ASTN2: variants seen among roughly 807,000 people sequenced by gnomAD.
ASTN2 encodes the protein astrotactin-2.
ASTN2 carries 54 observed loss-of-function variants against 139.8 expected under a neutral mutation model. The ratio of observed to expected loss-of-function variants is 0.39; its 90% confidence interval spans 0.31 to 0.48. The LOEUF (loss-of-function observed/expected upper bound fraction) is 0.48. Ranked by LOEUF, ASTN2 falls within the 20% of genes least tolerant of loss-of-function variation. The probability of loss-of-function intolerance (pLI) is 0.95; values close to 1 mark genes in which losing one functional copy is unlikely to be tolerated. For missense variants in ASTN2, 1,565 were observed against 1,725.1 expected (o/e 0.91, Z 1.64); for synonymous variants, 756 against 719.5 (o/e 1.05, Z -0.81).
intron 5 of ASTN2, among the ~76,000 whole-genome samples, chr9:117,057,897 A>T (rs1839108834): frequency 6.6e-6 from 1 of 152,208 alleles, no homozygotes; most frequent in Admixed American, 6.5e-5. Context: ...AAATAGGCAT[A>T]ACTATAACTT....
intron 2 of ASTN2, among the ~76,000 whole-genome samples, chr9:117,240,676 C>T (rs536863513): frequency 6.6e-6 from 1 of 152,286 alleles, no homozygotes; most frequent in East Asian, 1.9e-4. Flanking sequence ...GCCCTTCAGT[C>T]TTCCTCTGTC....
At chr9:116,600,317 C>T (rs1854810007) in intron 19 of ASTN2, among the ~76,000 whole-genome samples, 1 of 116,328 alleles carries the variant, frequency 8.6e-6, no homozygotes, top group African/African-American at 3.6e-5. Context: ...GAATGAGACC[C>T]TGTCTCAAAA....
chr9:117,342,734 G>T (rs77564127), intron 1 of ASTN2, among the ~76,000 whole-genome samples: 1 of 152,216 alleles, frequency 6.6e-6, no homozygotes, highest in East Asian at 1.9e-4. Flanking sequence ...CTTCCAACAC[G>T]GTTTTATATA....
At chr9:117,391,389 C>T (rs538411464) in intron 1 of ASTN2, among the ~76,000 whole-genome samples, 27 of 152,228 alleles carry the variant, frequency 1.8e-4, no homozygotes, top group African/African-American at 5.1e-4. Context: ...TTATGTCAGA[C>T]GGCAAGGAGG....
At chr9:116,443,697 G>C (rs774911118) in intron 20 of ASTN2, among the ~76,000 whole-genome samples, 6 of 152,142 alleles carry the variant, frequency 3.9e-5, no homozygotes, top group Non-Finnish European at 7.3e-5. Flanking sequence ...GAGCCTTAGA[G>C]GCCAAGAACA....
intron 4 of ASTN2, among the ~76,000 whole-genome samples, chr9:117,130,833 T>A (rs1829810772): frequency 6.6e-6 from 1 of 152,156 alleles, no homozygotes; most frequent in Non-Finnish European, 1.5e-5. Context: ...AAACATAGAA[T>A]AAAAGCTTGA....
At chr9:116,578,294 C>G (rs1853804744) in intron 19 of ASTN2, among the ~76,000 whole-genome samples, 1 of 151,994 alleles carries the variant, frequency 6.6e-6, no homozygotes. Flanking sequence ...AAACTAAGTC[C>G]CCATCATTGT....
At chr9:116,782,362 C>T (rs1293900710) in intron 13 of ASTN2, among the ~76,000 whole-genome samples, 1 of 152,202 alleles carries the variant, frequency 6.6e-6, no homozygotes, top group African/African-American at 2.4e-5. Context: ...ATTAACATAA[C>T]TTTGTTGGAA....
intron 19 of ASTN2, among the ~76,000 whole-genome samples, chr9:116,501,180 G>C (rs1298320578): frequency 6.6e-6 from 1 of 152,106 alleles, no homozygotes; most frequent in Non-Finnish European, 1.5e-5. Context: ...ACTCCCCAAA[G>C]GCAATCTCTG....
rs746679470 is a variant in ASTN2 at position 116,733,493 on chromosome 9, C to T, written c.2427G>A (p.Gln809=). ...GGATCACCAACAGCCCATCGGCCAG[C>T]TGGGGAAAGTCCTTGATGAAGTTGT... The part of the protein sequence containing the change: ...RENNFIKDFP[Q]LADGLLVIPL... Residue 809 remains glutamine, a synonymous_variant, in exon 14 of 23, where the codon CAG becomes CAA. Coordinates refer to ENST00000313400, the MANE Select transcript of ASTN2 (RefSeq NM_001365068.1). 2.5e-6 allele frequency: 4 copies of T among 1,614,180 alleles called. No homozygotes were observed. Among genetic ancestry groups the T allele is most frequent in the Non-Finnish European group, 2.5e-6 (3 of 1,180,032 alleles).
intron 16 of ASTN2, among the ~76,000 whole-genome samples, chr9:116,663,127 C>G (rs939065551): frequency 1.3e-5 from 2 of 152,142 alleles, no homozygotes; most frequent in South Asian, 2.1e-4. Context: ...ACTTCTCAGG[C>G]TAGGGGTCAA....
rs1167792180 is a variant in ASTN2 at position 116,620,295 on chromosome 9, G to T, written c.3206+15C>A. 1.2e-6 allele frequency: 2 copies of T among 1,613,940 alleles called. No homozygotes were observed. Among genetic ancestry groups the T allele is most frequent in the African/African-American group, 2.7e-5 (2 of 74,876 alleles). On this transcript the variant is annotated intron_variant, in intron 18 of 22. Transcript: ENST00000313400. The stretch of plus-strand genomic sequence containing the variant: ...AAAAGGGATGGCCAAAGGAAAAGGG[G>T]CCATACATACGTACACCGGCTGCAG...
intron 1 of ASTN2, among the ~76,000 whole-genome samples, chr9:117,297,905 G>A (rs554952701): frequency 5.9e-5 from 9 of 152,262 alleles, no homozygotes; most frequent in East Asian, 3.9e-4. Flanking sequence ...TTGACTAAAC[G>A]CCCAAGAATG....
chr9:116,766,708 TAAAC>T (rs1238133580), intron 13 of ASTN2, among the ~76,000 whole-genome samples: 2 of 151,820 alleles, frequency 1.3e-5, no homozygotes, highest in African/African-American at 4.8e-5. Flanking sequence ...GTCATACACT[TAAAC>T]AGTCATATCA....
At chr9:117,137,796 T>A (rs1829988394) in intron 4 of ASTN2, among the ~76,000 whole-genome samples, 1 of 152,136 alleles carries the variant, frequency 6.6e-6, no homozygotes, top group African/African-American at 2.4e-5. Context: ...AGGGCTGACA[T>A]ATACTGTCCT....
At chr9:116,985,382 T>C (rs965358265) in intron 7 of ASTN2, among the ~76,000 whole-genome samples, 26 of 152,182 alleles carry the variant, frequency 1.7e-4, no homozygotes, top group African/African-American at 5.5e-4. Context: ...AGAGATTAGA[T>C]TCCTTAATCA....
chr9:117,085,907 C>G (rs1828548364), intron 5 of ASTN2, among the ~76,000 whole-genome samples: 2 of 152,170 alleles, frequency 1.3e-5, no homozygotes, highest in South Asian at 4.1e-4. Flanking sequence ...AATCAAATAG[C>G]TTAAATACAA....
At chr9:116,589,198 C>A (rs769851678) in intron 19 of ASTN2, among the ~76,000 whole-genome samples, 29 of 152,014 alleles carry the variant, frequency 1.9e-4, no homozygotes, top group Non-Finnish European at 3.7e-4. Context: ...TGAAAGAGAG[C>A]TGAAAGGAGA....
rs1856072975 is a variant in ASTN2 at position 116,620,372 on chromosome 9, C to T, written c.3144G>A (p.Arg1048=). 2 of 1,614,040 alleles carry T rather than the reference C, an allele frequency of 1.2e-6. No individual in the cohort carries two copies. Among genetic ancestry groups the T allele is most frequent in the African/African-American group, 2.7e-5 (2 of 74,910 alleles). ...TGGCATCAAAGGCGCTGAGGTCACA[C>T]CTGCACCAGTCATCGATCACATCCC... ...GKGDVIDDWC[R]CDLSAFDANG... Residue 1048 remains arginine (R), a synonymous_variant, in exon 18 of 23, where the codon AGG becomes AGA. Transcript: ENST00000313400.
Sources: allele counts gnomAD v4.1 joint callset (sites outside exome capture counted in the v4.1 genomes callset), GRCh38; gene constraint gnomAD v4.1.1; transcripts MANE v1.5; gene names NCBI Gene and HGNC (gene_info 2026-07-23, HGNC 2026-07-21).